Variants in MON2 observed in about 807,000 individuals in gnomAD.
The protein encoded by MON2 is protein MON2 homolog.
Under a neutral mutation model 208.6 loss-of-function variants are expected in MON2, and 84 were observed. The ratio of observed to expected loss-of-function variants is 0.40; its 90% confidence interval spans 0.34 to 0.48. The LOEUF is 0.48. Among genes scored for constraint, MON2 ranks in the 20% least tolerant of loss-of-function variants. The probability of loss-of-function intolerance (pLI) is 0.59; values close to 1 mark genes in which losing one functional copy is unlikely to be tolerated. For synonymous variants in MON2, 660 were observed against 694.0 expected (o/e 0.95, Z 0.77); for missense variants, 1,611 against 2,015.4 (o/e 0.80, Z 3.84).
intron 1 of MON2, among the ~76,000 whole-genome samples, chr12:62,480,856 T>C (rs1056703040): frequency 1.3e-5 from 2 of 152,208 alleles, no homozygotes; most frequent in African/African-American, 2.4e-5. Context: ...AAACCACATA[T>C]TGACTTTGGA....
chr12:62,573,756 C>G (rs2074682623), intron 30 of MON2, among the ~76,000 whole-genome samples: 1 of 151,568 alleles, frequency 6.6e-6, no homozygotes. Context: ...ACTTTCTGGA[C>G]TTTATTCTTA....
At chr12:62,551,509 G>A (rs1388954579) in intron 23 of MON2, among the ~76,000 whole-genome samples, 1 of 152,038 alleles carries the variant, frequency 6.6e-6, no homozygotes, top group Non-Finnish European at 1.5e-5. Flanking sequence ...CACCATAACA[G>A]ACATAGTAAT....
intron 11 of MON2, among the ~76,000 whole-genome samples, chr12:62,527,934 C>T (rs2072421799): frequency 6.6e-6 from 1 of 151,668 alleles, no homozygotes; most frequent in Non-Finnish European, 1.5e-5. Flanking sequence ...AAAAGCCTAC[C>T]AACACTGTTT....
intron 19 of MON2, among the ~76,000 whole-genome samples, chr12:62,539,684 AC>A (rs2073147500): frequency 6.6e-6 from 1 of 152,066 alleles, no homozygotes; most frequent in African/African-American, 2.4e-5. Context: ...ATATTATAGT[AC>A]CTAGCTAGAT....
intron 1 of MON2, among the ~76,000 whole-genome samples, chr12:62,468,263 C>T (rs372746887): frequency 2.6e-5 from 4 of 151,886 alleles, no homozygotes; most frequent in South Asian, 2.1e-4. Context: ...CTCGAACTCC[C>T]GACTTCAGAT....
chr12:62,509,402 A>T (rs527493378), intron 8 of MON2, among the ~76,000 whole-genome samples: 1 of 152,244 alleles, frequency 6.6e-6, no homozygotes. Context: ...GGCGTCAGCC[A>T]CCATGCCTGG....
intron 24 of MON2, 95 bp from the exon 25 acceptor site, chr12:62,555,899 T>C: frequency 1.1e-6 from 1 of 914,198 alleles, no homozygotes; most frequent in Admixed American, 2.3e-5. Flanking sequence ...GTATATTTTT[T>C]GTAACAATTT....
intron 1 of MON2, among the ~76,000 whole-genome samples, chr12:62,475,904 G>A (rs781769021): frequency 4.0e-5 from 6 of 151,742 alleles, no homozygotes; most frequent in South Asian, 2.1e-4. Flanking sequence ...CCAGCTACTC[G>A]GGAGGCTGAG....
At chr12:62,566,089 T>C in intron 28 of MON2, 58 bp downstream of exon 28, 1 of 1,538,320 alleles carries the variant, frequency 6.5e-7, no homozygotes, top group Non-Finnish European at 8.9e-7. Flanking sequence ...AGTACATCTT[T>C]CCCGGTTCTT....
At chr12:62,577,604 C>T (rs2074840829) in intron 30 of MON2, among the ~76,000 whole-genome samples, 1 of 151,992 alleles carries the variant, frequency 6.6e-6, no homozygotes, top group Non-Finnish European at 1.5e-5. Context: ...ATTGTGGCCT[C>T]ATCATTTACT....
chr12:62,591,999 A>G (rs536848646), intron 34 of MON2, among the ~76,000 whole-genome samples: 5 of 152,170 alleles, frequency 3.3e-5, no homozygotes, highest in Admixed American at 6.5e-5. Flanking sequence ...TAGCTGTACT[A>G]TTTGTTCATG....
chr12:62,521,745 TCTCA>T (rs1204844293), intron 8 of MON2, among the ~76,000 whole-genome samples: 1 of 152,244 alleles, frequency 6.6e-6, no homozygotes, highest in Non-Finnish European at 1.5e-5. Flanking sequence ...AATTAGAATT[TCTCA>T]CTCATTAGGT....
intron 32 of MON2, among the ~76,000 whole-genome samples, chr12:62,583,975 C>CAAAAAAAAAAAAAAAAAAAAAA (rs942616967): frequency 3.4e-5 from 4 of 119,320 alleles, no homozygotes; most frequent in African/African-American, 6.2e-5. Context: ...AAAAAAAAAA[C>CAAAAAAAAAAAAAAAAAAAAAA]AAAAAAAAAA....
rs113961417 is a variant in MON2, at chr12:62,574,283, C to G, written c.4514+2701C>G. Among the ~76,000 whole-genome samples the G allele has an allele frequency of 9.9e-5, 15 of 152,238 alleles. 1 individual carries two copies. Among genetic ancestry groups the G allele is most frequent in the African/African-American group, 2.9e-4 (12 of 41,544 alleles). ...AGGTGACATTATCCATATTAATTCCCATGAAACAACTATTATTTTAAACCA... is the reference window on the plus strand; with the variant it reads ...AGGTGACATTATCCATATTAATTCCGATGAAACAACTATTATTTTAAACCA... On this transcript the variant is annotated intron_variant, in intron 30 of 34. Transcript: ENST00000393630.
Position 62,560,583 on chromosome 12 carries a change from A to G in MON2, c.3502A>G (p.Ser1168Gly). The change falls in exon 26 of 35, where the codon AGC (serine) becomes GGC (glycine). Residue 1168 changes from serine (S) to glycine (G), a missense_variant. By Grantham distance (56) the Ser-to-Gly change is moderately conservative (BLOSUM62 0). Transcript: ENST00000393630. ...NNEVSLAALK[S>G]FQEILQIVSP... Reference sequence around the variant, plus strand: ...TGAAGTATCTCTGGCTGCTCTGAAAAGCTTCCAGGAAATTTTACAGATTGT... The same window carrying G: ...TGAAGTATCTCTGGCTGCTCTGAAAGGCTTCCAGGAAATTTTACAGATTGT... 6.2e-7 allele frequency: 1 copy of G among 1,614,112 alleles called. No homozygotes were observed. The highest frequency in any genetic ancestry group is 8.5e-7 in the Non-Finnish European group (1 of 1,179,994).
At chr12:62,499,188 C>A (rs1331867651) in intron 5 of MON2, 140 bp downstream of exon 5, 2 of 834,364 alleles carry the variant, frequency 2.4e-6, no homozygotes, top group Admixed American at 3.0e-5. Context: ...ACAATTTGAT[C>A]CCCTGAGGAA....
rs17120341 is a variant in MON2 at position 62,500,856 on chromosome 12, T to A, written c.639T>A (p.Ala213=). 0.12 allele frequency: 187,796 copies of A among 1,576,904 alleles called. 13,143 individuals are homozygous for A. The highest frequency in any genetic ancestry group is 0.25 in the East Asian group (10,856 of 43,326). ...CTGTCAGTACCCTCAAACCTTGTGC[T>A]AAAGATGCATATATGCTTTTCCAGG... The part of the protein sequence containing the change: ...RRSVSTLKPC[A]KDAYMLFQDL... The change falls in exon 6 of 35, where the codon GCT becomes GCA. Residue 213 remains alanine, a synonymous_variant. Transcript: ENST00000393630.
intron 29 of MON2, among the ~76,000 whole-genome samples, chr12:62,570,971 C>A (rs1235829704): frequency 6.6e-6 from 1 of 151,940 alleles, no homozygotes; most frequent in Non-Finnish European, 1.5e-5. Flanking sequence ...ACCTCGTGAT[C>A]CACCCACCTT....
chr12:62,485,706 CTGTT>C (rs925813408), intron 2 of MON2, among the ~76,000 whole-genome samples: 25 of 151,846 alleles, frequency 1.6e-4, no homozygotes, highest in Non-Finnish European at 2.8e-4. Context: ...TTTTGTTTGT[CTGTT>C]TGTTTTTCCT....
Sources: allele counts gnomAD v4.1 joint callset (sites outside exome capture counted in the v4.1 genomes callset), GRCh38; gene constraint gnomAD v4.1.1; transcripts MANE v1.5; gene names NCBI Gene and HGNC (gene_info 2026-07-23, HGNC 2026-07-21).